The following APPBP2 variants were observed in gnomAD, a reference collection of about 807,000 sequenced individuals.
APPBP2 encodes amyloid beta precursor protein binding protein 2.
Under a neutral mutation model 76.0 loss-of-function variants are expected in APPBP2, and 15 were observed. The ratio of observed to expected loss-of-function variants is 0.20; its 90% CI spans 0.13 to 0.30. APPBP2 has a LOEUF of 0.30. Among genes scored for constraint, APPBP2 ranks in the 10% least tolerant of loss-of-function variants. The pLI, the probability that APPBP2 is intolerant of heterozygous loss-of-function variation, is 1.00. For synonymous variants in APPBP2, 222 were observed against 242.2 expected, an observed-to-expected ratio of 0.92 and a Z score of 0.77; for missense variants, 401 against 687.2, an observed-to-expected ratio of 0.58 and a Z score of 4.66.
intron 4 of APPBP2, among the ~76,000 whole-genome samples, chr17:60,472,172 AAAAC>A (rs2090557392): frequency 6.6e-6 from 1 of 151,756 alleles, no homozygotes; most frequent in Non-Finnish European, 1.5e-5. Context: ...AACAAAAACA[AAAAC>A]AAAACAAAAC....
In APPBP2 at chr17:60,522,003, G is replaced by C. The variant is rs1013035500; in HGVS notation, c.138+3791C>G. Among the ~76,000 whole-genome samples, 3 of 152,086 alleles carry C rather than the reference G, an allele frequency of 2.0e-5. No homozygotes were observed. In the East Asian group the frequency reaches 5.8e-4, roughly 29 times the overall value. Reference sequence around the variant, plus strand: ...CAATAGGCTATCCCACATAACCTAGGTGTGTAGTAGACTATACCATCTAGG... The same window carrying C: ...CAATAGGCTATCCCACATAACCTAGCTGTGTAGTAGACTATACCATCTAGG... On this transcript the variant is annotated intron_variant, in intron 1 of 12. Transcript: ENST00000083182.
At chr17:60,501,441 C>G (rs1014048442) in intron 1 of APPBP2, among the ~76,000 whole-genome samples, 1 of 152,102 alleles carries the variant, frequency 6.6e-6, no homozygotes, top group Admixed American at 6.6e-5. Flanking sequence ...ATACAATACC[C>G]AAGAGTGTGT....
intron 4 of APPBP2, among the ~76,000 whole-genome samples, chr17:60,478,049 C>T (rs766007206): frequency 3.3e-5 from 5 of 151,720 alleles, no homozygotes; most frequent in Non-Finnish European, 7.4e-5. Context: ...GGAGAATATT[C>T]TAGGTTTGAA....
chr17:60,483,251 C>A (rs2143393545), intron 3 of APPBP2, among the ~76,000 whole-genome samples: 1 of 152,230 alleles, frequency 6.6e-6, no homozygotes, highest in East Asian at 1.9e-4. Context: ...TGCTCATGTC[C>A]TTTGCCCACT....
At chr17:60,518,363 G>A (rs1183245306) in intron 1 of APPBP2, among the ~76,000 whole-genome samples, 1 of 62,718 alleles carries the variant, frequency 1.6e-5, no homozygotes, top group Non-Finnish European at 2.9e-5. Flanking sequence ...GCGTGCGTGT[G>A]TGTGTGTGTG....
chr17:60,484,305 A>G (rs2090655598), intron 3 of APPBP2, among the ~76,000 whole-genome samples: 2 of 152,228 alleles, frequency 1.3e-5, no homozygotes, highest in South Asian at 4.1e-4. Flanking sequence ...TTGAATCTAT[A>G]AATTACCTTG....
At chr17:60,474,678 T>C (rs73990462) in intron 4 of APPBP2, among the ~76,000 whole-genome samples, 2,261 of 152,316 alleles carry the variant, frequency 0.015, 49 homozygotes, top group African/African-American at 0.05. Flanking sequence ...ACTAAACCTG[T>C]AATAGGTTTG....
chr17:60,476,233 T>C (rs2090590162), intron 4 of APPBP2, among the ~76,000 whole-genome samples: 1 of 152,172 alleles, frequency 6.6e-6, no homozygotes, highest in Non-Finnish European at 1.5e-5. Flanking sequence ...GCTAGGAAGG[T>C]TCTCTGACCT....
At chr17:60,465,846 A>G (rs1473736092) in intron 5 of APPBP2, among the ~76,000 whole-genome samples, 2 of 152,050 alleles carry the variant, frequency 1.3e-5, no homozygotes, top group Non-Finnish European at 2.9e-5. Context: ...CTGATTTTTT[A>G]TTTTTTTGAG....
intron 8 of APPBP2, 33 bp downstream of exon 8, chr17:60,461,777 G>T: frequency 6.6e-7 from 1 of 1,504,522 alleles, no homozygotes; most frequent in Non-Finnish European, 9.1e-7. Flanking sequence ...GTCAATACAG[G>T]TTGAAAGAAA....
chr17:60,453,536 G>GTTTTTTTTTTT (rs544790789), intron 11 of APPBP2, among the ~76,000 whole-genome samples: 1 of 140,464 alleles, frequency 7.1e-6, no homozygotes, highest in African/African-American at 2.7e-5. Flanking sequence ...TCATGATCCT[G>GTTTTTTTTTTT]TTTTTTTTTT....
At chr17:60,512,652 T>C (rs187569849) in intron 1 of APPBP2, among the ~76,000 whole-genome samples, 3 of 150,810 alleles carry the variant, frequency 2.0e-5, no homozygotes, top group Admixed American at 6.6e-5. Flanking sequence ...CTGGCCAACA[T>C]AGTGAAACCC....
intron 1 of APPBP2, among the ~76,000 whole-genome samples, chr17:60,509,381 A>G (rs2090893669): frequency 6.6e-6 from 1 of 151,952 alleles, no homozygotes; most frequent in Admixed American, 6.6e-5. Flanking sequence ...TCCGTCTCAA[A>G]AAAAAAAAAA....
chr17:60,446,267 A>G lies in APPBP2; in HGVS notation c.*1314T>C, dbSNP rs915058670. 6.6e-6 allele frequency: 1 copy of G among 152,614 alleles called. No homozygotes were observed. The highest frequency in any genetic ancestry group is 2.4e-5 in the African/African-American group (1 of 41,450). 9.5% of individuals were successfully genotyped at this position (152,614 alleles called of 1,614,324 possible). On this transcript the variant is annotated 3_prime_UTR_variant, in exon 13 of 13. Transcript: ENST00000083182. ...ACCTTTTTGTTTCTTGAATTGCTACATGTCACAAATTCTTAAATTTGATTA... is the reference window on the plus strand; with the variant it reads ...ACCTTTTTGTTTCTTGAATTGCTACGTGTCACAAATTCTTAAATTTGATTA...
At chr17:60,456,062 G>A (rs2090428975) in intron 10 of APPBP2, among the ~76,000 whole-genome samples, 1 of 152,188 alleles carries the variant, frequency 6.6e-6, no homozygotes. Context: ...ACAGGCATAA[G>A]CCACCCCATC....
chr17:60,461,854 A>C lies in APPBP2; in HGVS notation c.892T>G (p.Leu298Val). The C allele has an allele frequency of 6.2e-7, 1 of 1,613,164 alleles. No individual in the cohort carries two copies. Among genetic ancestry groups the C allele is most frequent in the Non-Finnish European group, 8.5e-7 (1 of 1,179,600 alleles). ...TGACAGATATTATCTACATTGAGTA[A>C]GTAGAACCCATAATCTAGCAGTGTA... ...SDTLLDYGFY[L>V]LNVDNICQSV... Residue 298 changes from leucine (L) to valine (V), a missense_variant, in exon 8 of 13, where the codon TTA becomes GTA. Physicochemically the swap from Leu to Val is conservative, Grantham distance 32. Coordinates refer to ENST00000083182, the MANE Select transcript of APPBP2 (RefSeq NM_006380.5).
chr17:60,508,469 A>T (rs1245102293), intron 1 of APPBP2, among the ~76,000 whole-genome samples: 1 of 152,214 alleles, frequency 6.6e-6, no homozygotes, highest in African/African-American at 2.4e-5. Context: ...GTTGCCAAAA[A>T]TTAAGAAAAC....
intron 1 of APPBP2, among the ~76,000 whole-genome samples, chr17:60,512,289 G>A (rs909961081): frequency 2.6e-5 from 4 of 151,770 alleles, no homozygotes; most frequent in Non-Finnish European, 5.9e-5. Context: ...TTTTTTAGTA[G>A]AGACGGGGTT....
chr17:60,460,478 CTG>C, intron 9 of APPBP2, 183 bp downstream of exon 9: 1 of 486,550 alleles, frequency 2.1e-6, no homozygotes, highest in Non-Finnish European at 3.2e-6. Flanking sequence ...CACCTGAAAA[CTG>C]GTATGATTTT....
Sources: allele counts gnomAD v4.1 joint callset (sites outside exome capture counted in the v4.1 genomes callset), GRCh38; gene constraint gnomAD v4.1.1; transcripts MANE v1.5; gene names NCBI Gene and HGNC (gene_info 2026-07-23, HGNC 2026-07-21).